The following FRMD5 variants were observed in gnomAD, a reference collection of about 807,000 sequenced individuals.
FRMD5 encodes FERM domain-containing protein 5.
Under a neutral mutation model 69.0 loss-of-function variants are expected in FRMD5, and 20 were observed. That is an observed-to-expected ratio of 0.29 (90% CI 0.20 to 0.42). FRMD5 has a LOEUF of 0.42. FRMD5 is among the 10% of genes least tolerant of loss of function. FRMD5 has a pLI of 1.00. For missense variants in FRMD5, 595 were observed against 708.6 expected, an observed-to-expected ratio of 0.84 and a Z score of 1.82; for synonymous variants, 271 against 260.1, an observed-to-expected ratio of 1.04 and a Z score of -0.40.
At chr15:44,139,660 G>A (rs554226171) in intron 1 of FRMD5, among the ~76,000 whole-genome samples, 1 of 149,662 alleles carries the variant, frequency 6.7e-6, no homozygotes, top group African/African-American at 2.5e-5. Flanking sequence ...GGAGGCTGAG[G>A]GGGCAAGATC....
At chr15:44,111,889 C>T (rs1337529974) in intron 1 of FRMD5, among the ~76,000 whole-genome samples, 3 of 151,446 alleles carry the variant, frequency 2.0e-5, no homozygotes, top group South Asian at 2.1e-4. Flanking sequence ...CTCGTGCTGT[C>T]GCCCAGGCTG....
intron 1 of FRMD5, among the ~76,000 whole-genome samples, chr15:44,171,129 T>G (rs971597676): frequency 6.6e-6 from 1 of 152,220 alleles, no homozygotes; most frequent in African/African-American, 2.4e-5. Flanking sequence ...CCTAAAATAT[T>G]AAGTAAAAGA....
intron 1 of FRMD5, among the ~76,000 whole-genome samples, chr15:44,012,493 CT>C (rs1408636423): frequency 2.6e-5 from 4 of 152,192 alleles, no homozygotes; most frequent in African/African-American, 9.7e-5. Context: ...ATAAGGGTAA[CT>C]GTTCTATTCA....
Position 43,873,360 on chromosome 15 carries a change from T to TAAAC in FRMD5, c.*521_*524dup, listed in dbSNP as rs141704011. On this transcript the variant is annotated 3_prime_UTR_variant, in exon 14 of 14. Coordinates refer to ENST00000417257, the MANE Select transcript of FRMD5 (RefSeq NM_032892.5). ...CTGGCAAAAAAAACAAACAAAAAAC[T>TAAAC]AAACAGTCCCCATTGTCCAGATCCC... 7.7e-3 allele frequency: 11,325 copies of TAAAC among 1,468,564 alleles called. 47 individuals carry two copies. Among genetic ancestry groups the TAAAC allele is most frequent in the East Asian group, 9.4e-3 (379 of 40,248 alleles). 91.0% of individuals were successfully genotyped at this position (1,468,564 alleles called of 1,614,324 possible). A position where few individuals can be genotyped will look rare whatever the true frequency, so the allele number is the denominator to read the frequency against.
chr15:43,945,517 A>T (rs1031974065), intron 1 of FRMD5, among the ~76,000 whole-genome samples: 3 of 152,182 alleles, frequency 2.0e-5, no homozygotes, highest in African/African-American at 7.2e-5. Context: ...TTACAGTGGA[A>T]TATCATTATG....
At chr15:43,980,607 C>G (rs1267093315) in intron 1 of FRMD5, among the ~76,000 whole-genome samples, 2 of 152,132 alleles carry the variant, frequency 1.3e-5, no homozygotes, top group African/African-American at 2.4e-5. Context: ...TGTCTCTTGA[C>G]AATTTTCCCT....
chr15:43,968,898 T>C (rs1022224015), intron 1 of FRMD5, among the ~76,000 whole-genome samples: 1 of 152,174 alleles, frequency 6.6e-6, no homozygotes, highest in Non-Finnish European at 1.5e-5. Flanking sequence ...AAAAAATCTT[T>C]ATTTTCACAA....
chr15:44,030,375 A>G (rs1348080763), intron 1 of FRMD5, among the ~76,000 whole-genome samples: 1 of 152,020 alleles, frequency 6.6e-6, no homozygotes, highest in East Asian at 1.9e-4. Context: ...CTGTTTGTTT[A>G]TTTTTGTATT....
intron 1 of FRMD5, among the ~76,000 whole-genome samples, chr15:44,177,741 T>C (rs2077923955): frequency 6.6e-6 from 1 of 152,204 alleles, no homozygotes; most frequent in Admixed American, 6.6e-5. Context: ...AAAAGCATTA[T>C]GCTAAGTGAA....
chr15:44,159,105 A>G (rs916872263), intron 1 of FRMD5, among the ~76,000 whole-genome samples: 1 of 152,248 alleles, frequency 6.6e-6, no homozygotes, highest in African/African-American at 2.4e-5. Context: ...CATTCTATTC[A>G]GAGGAAAAAG....
At chr15:43,983,787 G>A (rs561128283) in intron 1 of FRMD5, among the ~76,000 whole-genome samples, 40 of 152,244 alleles carry the variant, frequency 2.6e-4, no homozygotes, top group African/African-American at 8.9e-4. Context: ...CCCATCCACC[G>A]TCTCCACCTC....
intron 1 of FRMD5, among the ~76,000 whole-genome samples, chr15:44,053,472 T>A (rs543705487): frequency 4.6e-5 from 7 of 152,114 alleles, no homozygotes; most frequent in African/African-American, 1.7e-4. Flanking sequence ...TTTACTGGAA[T>A]AGCAGAAAAA....
chr15:44,109,020 T>TAAAATAAAATA (rs59924689), intron 1 of FRMD5, among the ~76,000 whole-genome samples: 1 of 143,138 alleles, frequency 7.0e-6, no homozygotes, highest in Middle Eastern at 3.5e-3. Context: ...TAAAATAAAA[T>TAAAATAAAATA]GTTTGCCAAT....
chr15:43,901,653 G>A (rs2089048799), intron 7 of FRMD5, among the ~76,000 whole-genome samples: 1 of 152,188 alleles, frequency 6.6e-6, no homozygotes, highest in Non-Finnish European at 1.5e-5. Context: ...CAAAATGCCA[G>A]ATGTGCATGA....
At position 43,873,843 on chromosome 15, in the gene FRMD5, C is replaced by T. The variant is rs760936531; in HGVS notation, c.*42G>A. 7 of 1,604,590 alleles carry T rather than the reference C, an allele frequency of 4.4e-6. No homozygotes were observed. In the Admixed American group the frequency reaches 6.8e-5, roughly 16 times the overall value. ...ATTGCTGGGAATGGGTAGCCGGGTT[C>T]CTTGGTCCACCTGGCTAGTTTTTGG... On this transcript the variant is annotated 3_prime_UTR_variant, in exon 14 of 14. Transcript: ENST00000417257.
intron 1 of FRMD5, among the ~76,000 whole-genome samples, chr15:44,071,177 A>G (rs1893523001): frequency 6.6e-6 from 1 of 152,146 alleles, no homozygotes; most frequent in South Asian, 2.1e-4. Flanking sequence ...ATTCTGATTC[A>G]TCCTCCCAGG....
At chr15:43,977,705 T>G (rs2090485395) in intron 1 of FRMD5, among the ~76,000 whole-genome samples, 1 of 152,198 alleles carries the variant, frequency 6.6e-6, no homozygotes, top group Non-Finnish European at 1.5e-5. Flanking sequence ...CGTTCTGCAA[T>G]TTTTCTGTTT....
In FRMD5 at chr15:44,120,689, A is replaced by ATTT. The variant is rs5812266; in HGVS notation, c.102+74261_102+74263dup. Among the ~76,000 whole-genome samples the ATTT allele has an allele frequency of 2.5e-3, 376 of 148,480 alleles. 1 individual carries two copies. Among genetic ancestry groups the ATTT allele is most frequent in the Admixed American group, 6.0e-3 (90 of 14,982 alleles). ...AGGCGCCTGCCACCACGCCCAGCTA[A>ATTT]TTTTTTTTTTTTGTATTTTTAATAG... On this transcript the variant is annotated intron_variant, in intron 1 of 13. Coordinates refer to ENST00000417257, the MANE Select transcript of FRMD5 (RefSeq NM_032892.5).
intron 1 of FRMD5, among the ~76,000 whole-genome samples, chr15:44,003,095 T>C (rs940964766): frequency 1.3e-5 from 2 of 152,192 alleles, no homozygotes; most frequent in African/African-American, 4.8e-5. Context: ...TCCTTCTAGT[T>C]GCTCAGATAA....
Sources: allele counts gnomAD v4.1 joint callset (sites outside exome capture counted in the v4.1 genomes callset), GRCh38; gene constraint gnomAD v4.1.1; transcripts MANE v1.5; gene names NCBI Gene and HGNC (gene_info 2026-07-23, HGNC 2026-07-21).